SYNPO2: variants seen among roughly 807,000 people sequenced by gnomAD.
The protein encoded by SYNPO2 is synaptopodin-2.
Under a neutral mutation model 85.0 loss-of-function variants are expected in SYNPO2, and 56 were observed. The observed-to-expected ratio is 0.66, with a 90% confidence interval of 0.53 to 0.82. SYNPO2 has a LOEUF of 0.82. Among genes scored for constraint, SYNPO2 ranks in the 40% least tolerant of loss-of-function variants. SYNPO2 has a pLI of 0.00. For missense variants in SYNPO2, 1,575 were observed against 1,534.2 expected (o/e 1.03, Z -0.44); for synonymous variants, 602 against 591.1 (o/e 1.02, Z -0.27).
chr4:118,880,725 C>T (rs543682546), intron 1 of SYNPO2, among the ~76,000 whole-genome samples: 35 of 141,296 alleles, frequency 2.5e-4, no homozygotes, highest in Admixed American at 2.1e-3. Flanking sequence ...CCAGCCTGGG[C>T]GACAGAGCGA....
intron 1 of SYNPO2, among the ~76,000 whole-genome samples, chr4:118,926,875 C>T (rs925302817): frequency 6.6e-6 from 1 of 152,148 alleles, no homozygotes; most frequent in African/African-American, 2.4e-5. Context: ...AGCAGATTCC[C>T]TTCTTCCAGA....
chr4:118,878,364 A>G (rs1560814479), intron 1 of SYNPO2, among the ~76,000 whole-genome samples: 1 of 152,202 alleles, frequency 6.6e-6, no homozygotes, highest in Non-Finnish European at 1.5e-5. Flanking sequence ...TAAAAGTTAA[A>G]AAATAAATAA....
intron 1 of SYNPO2, among the ~76,000 whole-genome samples, chr4:118,879,959 A>T (rs1318314383): frequency 6.6e-6 from 1 of 151,702 alleles, no homozygotes; most frequent in Non-Finnish European, 1.5e-5. Flanking sequence ...GGAGCAGCAG[A>T]TCATCCCTGT....
At chr4:118,970,714 T>C (rs1314292314) in intron 1 of SYNPO2, among the ~76,000 whole-genome samples, 1 of 152,184 alleles carries the variant, frequency 6.6e-6, no homozygotes, top group Non-Finnish European at 1.5e-5. Context: ...ACAAACACTC[T>C]AGAACCAAGG....
chr4:119,022,513 T>G (rs1031872486), intron 1 of SYNPO2, among the ~76,000 whole-genome samples: 4 of 32,328 alleles, frequency 1.2e-4, no homozygotes, highest in African/African-American at 2.2e-4. Flanking sequence ...TTTTTGTAGG[T>G]TTTTTTTTTT....
At chr4:118,868,402 G>A (rs754494184) in intron 1 of SYNPO2, among the ~76,000 whole-genome samples, 1 of 151,996 alleles carries the variant, frequency 6.6e-6, no homozygotes, top group Non-Finnish European at 1.5e-5. Context: ...GTAGGTTAAT[G>A]GATGCCTTTC....
At position 119,031,200 on chromosome 4, in the gene SYNPO2, G is replaced by T. The variant is rs562890418; in HGVS notation, c.2425G>T (p.Ala809Ser). ...CACCGTTGTCTCCTCCATCAAAATA[G>T]CCCAGCCTTCTTACCCTCCTGCCCG... ...KGTVVSSIKI[A>S]QPSYPPARPA... The change falls in exon 4 of 5, where the codon GCC (alanine) becomes TCC (serine). Residue 809 changes from alanine to serine, a missense_variant. This residue lies in a region of SYNPO2 where 1,508 missense variants were observed against 1,446.8 expected (regional missense o/e 1.04). Transcript: ENST00000307142. 72 of 1,614,092 alleles carry T rather than the reference G, an allele frequency of 4.5e-5. No individual in the cohort carries two copies. The Admixed American group carries it at 6.3e-4, about 14-fold the overall frequency.
chr4:119,037,535 G>A (rs980294430), intron 4 of SYNPO2: 1 of 994,800 alleles, frequency 1.0e-6, no homozygotes, highest in Non-Finnish European at 1.2e-6. Flanking sequence ...AATAATCAAG[G>A]CCATGCAACA....
In SYNPO2 at chr4:119,031,406, T is replaced by C. The variant is rs747589690; in HGVS notation, c.2631T>C (p.Ala877=). 3.1e-6 allele frequency: 5 copies of C among 1,614,128 alleles called. No individual in the cohort carries two copies. The highest frequency in any genetic ancestry group is 2.5e-6 in the Non-Finnish European group (3 of 1,180,032). The part of the protein sequence containing the change: ...GMSGRGAQLF[A]KRQSRMEKYV... ...GTGGGAGAGGAGCTCAGCTCTTTGCTAAAAGGCAGTCGAGAATGGAGAAGT... is the reference window on the plus strand; with the variant it reads ...GTGGGAGAGGAGCTCAGCTCTTTGCCAAAAGGCAGTCGAGAATGGAGAAGT... Residue 877 remains alanine, a synonymous_variant, in exon 4 of 5, where the codon GCT becomes GCC. Transcript: ENST00000307142.
chr4:119,047,222 G>A (rs919444777), intron 4 of SYNPO2, among the ~76,000 whole-genome samples: 1 of 152,064 alleles, frequency 6.6e-6, no homozygotes, highest in Non-Finnish European at 1.5e-5. Flanking sequence ...CACCATGCCC[G>A]ACTAATTTTG....
Position 119,032,001 on chromosome 4 carries a change from G to T in SYNPO2, c.3226G>T (p.Ala1076Ser), listed in dbSNP as rs779879734. ...TGTGGCACCAAGGCCAAAGTTCTCAGCCAAGAAAAGTGGTGTCACAATTCA... is the reference window on the plus strand; with the variant it reads ...TGTGGCACCAAGGCCAAAGTTCTCATCCAAGAAAAGTGGTGTCACAATTCA... ...YFVAPRPKFS[A>S]KKSGVTIQES... The change falls in exon 4 of 5, where the codon GCC becomes TCC. Residue 1076 changes from alanine (A) to serine (S), a missense_variant. Coordinates refer to ENST00000307142, the MANE Select transcript of SYNPO2 (RefSeq NM_133477.3). The T allele has an allele frequency of 6.2e-7, 1 of 1,614,176 alleles. No homozygotes were observed. The highest frequency in any genetic ancestry group is 1.1e-5 in the South Asian group (1 of 91,074).
intron 1 of SYNPO2, among the ~76,000 whole-genome samples, chr4:118,953,338 T>C (rs913344292): frequency 1.3e-5 from 2 of 152,192 alleles, no homozygotes; most frequent in Non-Finnish European, 2.9e-5. Flanking sequence ...CTTCGTAGGA[T>C]TCATCACAAT....
intron 1 of SYNPO2, among the ~76,000 whole-genome samples, chr4:118,924,445 A>C (rs1733646368): frequency 6.6e-6 from 1 of 152,194 alleles, no homozygotes; most frequent in Non-Finnish European, 1.5e-5. Flanking sequence ...GAGGGTGGAA[A>C]TATTTCCCCA....
intron 1 of SYNPO2, among the ~76,000 whole-genome samples, chr4:118,868,213 T>G (rs1731736465): frequency 6.6e-6 from 1 of 152,116 alleles, no homozygotes; most frequent in South Asian, 2.1e-4. Context: ...ACACCTGGTC[T>G]AGATTTTATT....
chr4:119,054,946 G>C (rs2149201792), intron 4 of SYNPO2, among the ~76,000 whole-genome samples: 1 of 152,258 alleles, frequency 6.6e-6, no homozygotes, highest in African/African-American at 2.4e-5. Context: ...CAGGGCCTCT[G>C]TAGACCACTG....
At chr4:118,886,390 T>A (rs1732200053), upstream of SYNPO2, among the ~76,000 whole-genome samples, 1 of 152,110 alleles carries the variant, frequency 6.6e-6, no homozygotes, top group African/African-American at 2.4e-5. Flanking sequence ...GTCGTAATGC[T>A]CTCCCTCCCT....
chr4:119,016,392 G>A (rs1219073735), intron 1 of SYNPO2, among the ~76,000 whole-genome samples: 1 of 149,762 alleles, frequency 6.7e-6, no homozygotes, highest in African/African-American at 2.5e-5. Context: ...ACTCCAGCCT[G>A]GGCAACAAGA....
chr4:118,970,638 T>A (rs1374789754), intron 1 of SYNPO2, among the ~76,000 whole-genome samples: 1 of 152,196 alleles, frequency 6.6e-6, no homozygotes, highest in Non-Finnish European at 1.5e-5. Flanking sequence ...CATTTCATTA[T>A]TATAAAGGGA....
At chr4:118,897,690 A>G (rs1490915895) in intron 1 of SYNPO2, among the ~76,000 whole-genome samples, 1 of 152,214 alleles carries the variant, frequency 6.6e-6, no homozygotes, top group Non-Finnish European at 1.5e-5. Context: ...GATCCCCATT[A>G]CAGGGGCACA....
Sources: allele counts gnomAD v4.1 joint callset (sites outside exome capture counted in the v4.1 genomes callset), GRCh38; gene constraint gnomAD v4.1.1; regional missense constraint gnomAD v4.1.1; transcripts MANE v1.5; gene names NCBI Gene and HGNC (gene_info 2026-07-23, HGNC 2026-07-21).